Variants in KCNH5 observed in about 807,000 individuals in gnomAD.
KCNH5 encodes the protein potassium voltage-gated channel subfamily H member 5.
A neutral mutation model predicts 96.1 loss-of-function variants in KCNH5; 46 were observed. That is an observed-to-expected ratio of 0.48 (90% CI 0.38 to 0.61). The LOEUF (loss-of-function observed/expected upper bound fraction) is 0.61, where lower values mean the gene tolerates loss of function less well. Ranked by LOEUF, KCNH5 falls within the 20% of genes least tolerant of loss-of-function variation. The pLI is 0.00. For missense variants in KCNH5, 907 were observed against 1,225.8 expected, an observed-to-expected ratio of 0.74 and a Z score of 3.88; for synonymous variants, 439 against 449.8, an observed-to-expected ratio of 0.98 and a Z score of 0.30.
At chr14:63,015,432 C>T (rs544931003) in intron 2 of KCNH5, among the ~76,000 whole-genome samples, 94 of 152,014 alleles carry the variant, frequency 6.2e-4, no homozygotes, top group African/African-American at 2.1e-3. Flanking sequence ...GAGTTATCAA[C>T]CAATCCCTTC....
chr14:62,802,572 T>A lies in KCNH5; in HGVS notation c.1579A>T (p.Ile527Phe), dbSNP rs149561461. 645 of 1,613,652 alleles carry A rather than the reference T, an allele frequency of 4.0e-4. No homozygotes were observed. Among genetic ancestry groups the A allele is most frequent in the Non-Finnish European group, 5.1e-4 (597 of 1,179,792 alleles). ...KGIDTEKVLSICPKDMRADIC... is the reference protein window; with the variant it reads ...KGIDTEKVLSFCPKDMRADIC... The stretch of plus-strand genomic sequence containing the variant: ...TCAGCTCTCATGTCCTTGGGACAGA[T>A]GGAGAGGACCTAAAGAAGGTGAGAG... Residue 527 changes from isoleucine (I) to phenylalanine (F), a missense_variant, in exon 9 of 11, where the codon ATC (isoleucine) becomes TTC (phenylalanine). Physicochemically the swap from Ile to Phe is conservative, Grantham distance 21. This residue lies in a region of KCNH5 where 95 missense variants were observed against 111.8 expected (regional missense o/e 0.85). Coordinates refer to ENST00000322893, the MANE Select transcript of KCNH5 (RefSeq NM_139318.5).
At chr14:62,901,937 A>G (rs1291177264) in intron 7 of KCNH5, among the ~76,000 whole-genome samples, 1 of 152,140 alleles carries the variant, frequency 6.6e-6, no homozygotes, top group Non-Finnish European at 1.5e-5. Context: ...GAGATGGTGT[A>G]TCACTGTGGT....
chr14:62,993,502 T>C (rs1243997930), intron 4 of KCNH5, among the ~76,000 whole-genome samples: 1 of 152,016 alleles, frequency 6.6e-6, no homozygotes, highest in Admixed American at 6.6e-5. Flanking sequence ...TGCACCCCTA[T>C]CATCTCAGAG....
At chr14:62,757,119 A>T (rs368023760) in intron 10 of KCNH5, among the ~76,000 whole-genome samples, 7 of 152,176 alleles carry the variant, frequency 4.6e-5, no homozygotes, top group Non-Finnish European at 7.4e-5. Flanking sequence ...AATTTGATTT[A>T]AAAAAATGGG....
chr14:62,958,649 T>C (rs562997923), intron 6 of KCNH5, among the ~76,000 whole-genome samples: 1 of 152,298 alleles, frequency 6.6e-6, no homozygotes, highest in South Asian at 2.1e-4. Flanking sequence ...TATAATCCCA[T>C]AATTTCAATA....
chr14:62,755,724 A>T (rs1450882857), intron 10 of KCNH5, among the ~76,000 whole-genome samples: 1 of 152,188 alleles, frequency 6.6e-6, no homozygotes, highest in Non-Finnish European at 1.5e-5. Context: ...TACTAGCAAG[A>T]ATAATTCAAC....
intron 7 of KCNH5, among the ~76,000 whole-genome samples, chr14:62,863,041 T>G (rs1426514096): frequency 6.6e-6 from 1 of 152,174 alleles, no homozygotes; most frequent in African/African-American, 2.4e-5. Context: ...CTCTTCTGGT[T>G]ATCCCGGGTC....
intron 9 of KCNH5, among the ~76,000 whole-genome samples, chr14:62,780,477 G>A (rs1009771118): frequency 4.6e-5 from 7 of 152,132 alleles, no homozygotes; most frequent in Admixed American, 6.5e-5. Context: ...ACAGGTTCTC[G>A]GAGTCCAGCC....
rs78908869 is a variant in KCNH5, at chr14:63,045,328, C to G, written c.-142G>C. 6 of 675,888 alleles carry G rather than the reference C, an allele frequency of 8.9e-6. No homozygotes were observed. Among genetic ancestry groups the G allele is most frequent in the African/African-American group, 8.8e-5 (5 of 56,876 alleles). The allele number at this position is 675,888 out of a possible 1,614,324, so 41.9% of individuals were successfully genotyped here. A position where few individuals can be genotyped will look rare whatever the true frequency, so the allele number is the denominator to read the frequency against. On this transcript the variant is annotated 5_prime_UTR_variant, in exon 1 of 11. Coordinates refer to ENST00000322893, the MANE Select transcript of KCNH5 (RefSeq NM_139318.5). The stretch of plus-strand genomic sequence containing the variant: ...GGCGCGGCGGCGGCGACGGGGTCCC[C>G]TGACTGTGTCTCCAGCCCGACCCGG...
intron 7 of KCNH5, among the ~76,000 whole-genome samples, chr14:62,928,104 T>C (rs1889509373): frequency 6.6e-6 from 1 of 152,020 alleles, no homozygotes; most frequent in Non-Finnish European, 1.5e-5. Context: ...AATAAGAATA[T>C]GAAAATATGG....
intron 10 of KCNH5, among the ~76,000 whole-genome samples, chr14:62,765,233 T>A (rs534273940): frequency 6.6e-6 from 1 of 152,170 alleles, no homozygotes; most frequent in East Asian, 1.9e-4. Context: ...CCTACAACCA[T>A]CTGAACTTTG....
chr14:62,914,854 C>T (rs776626488), intron 7 of KCNH5, among the ~76,000 whole-genome samples: 3 of 152,216 alleles, frequency 2.0e-5, no homozygotes, highest in Middle Eastern at 3.2e-3. Context: ...ACATGCCGAA[C>T]GTGCATACCT....
intron 4 of KCNH5, among the ~76,000 whole-genome samples, chr14:62,999,362 C>G (rs564060568): frequency 6.6e-6 from 1 of 152,066 alleles, no homozygotes; most frequent in Non-Finnish European, 1.5e-5. Flanking sequence ...TCATATCCTT[C>G]GCCCACTTTT....
intron 7 of KCNH5, among the ~76,000 whole-genome samples, chr14:62,872,165 A>G (rs1453397935): frequency 6.6e-6 from 1 of 152,162 alleles, no homozygotes; most frequent in Non-Finnish European, 1.5e-5. Context: ...ACAAATATTC[A>G]TTTGGTTTCT....
intron 8 of KCNH5, among the ~76,000 whole-genome samples, chr14:62,807,922 G>A (rs531327294): frequency 3.9e-5 from 6 of 152,052 alleles, no homozygotes; most frequent in Admixed American, 2.6e-4. Context: ...AACTCTTACT[G>A]TACAACTTGC....
chr14:62,915,700 T>C (rs1398232953), intron 7 of KCNH5, among the ~76,000 whole-genome samples: 1 of 152,178 alleles, frequency 6.6e-6, no homozygotes, highest in East Asian at 1.9e-4. Context: ...AAAGCACCAA[T>C]AGTTTGGTAA....
chr14:62,777,482 T>C (rs1886121920), intron 10 of KCNH5, among the ~76,000 whole-genome samples: 1 of 152,238 alleles, frequency 6.6e-6, no homozygotes, highest in African/African-American at 2.4e-5. Context: ...TGGTAGCTAG[T>C]ATTACTACCC....
At chr14:62,932,163 C>T (rs993145461) in intron 7 of KCNH5, among the ~76,000 whole-genome samples, 4 of 152,106 alleles carry the variant, frequency 2.6e-5, no homozygotes, top group African/African-American at 7.2e-5. Context: ...CTGCATAAAG[C>T]CTCCACCATG....
At chr14:62,777,898 C>T (rs892400366) in intron 10 of KCNH5, among the ~76,000 whole-genome samples, 3 of 151,954 alleles carry the variant, frequency 2.0e-5, no homozygotes, top group Non-Finnish European at 2.9e-5. Flanking sequence ...AAAGTGGTGA[C>T]AGATGTTCTA....
Sources: gnomAD v4.1 joint callset for allele counts (sites outside exome capture counted in the v4.1 genomes callset) on GRCh38, gnomAD v4.1.1 for gene constraint, gnomAD v4.1.1 regional missense constraint, MANE v1.5 for transcripts, NCBI Gene and HGNC (gene_info 2026-07-23, HGNC 2026-07-21) for gene names.